IGF1R: variants seen among roughly 807,000 people sequenced by gnomAD.
IGF1R encodes insulin like growth factor 1 receptor, also known as insulin-like growth factor 1 receptor.
Under a neutral mutation model 144.6 loss-of-function variants are expected in IGF1R, and 44 were observed. That is an observed-to-expected ratio of 0.30 (90% CI 0.24 to 0.39). The LOEUF is 0.39. Among genes scored for constraint, IGF1R ranks in the 10% least tolerant of loss-of-function variants. IGF1R has a pLI of 1.00. For synonymous variants in IGF1R, 795 were observed against 722.8 expected, an observed-to-expected ratio of 1.10 and a Z score of -1.60; for missense variants, 1,355 against 1,833.7, an observed-to-expected ratio of 0.74 and a Z score of 4.77.
intron 2 of IGF1R, among the ~76,000 whole-genome samples, chr15:98,718,743 A>T (rs1311899524): frequency 6.6e-6 from 1 of 152,240 alleles, no homozygotes; most frequent in African/African-American, 2.4e-5. Context: ...GGAACAAAAT[A>T]AAAGAAGATC....
At chr15:98,831,611 A>G (rs2057003376) in intron 2 of IGF1R, among the ~76,000 whole-genome samples, 1 of 152,234 alleles carries the variant, frequency 6.6e-6, no homozygotes, top group South Asian at 2.1e-4. Context: ...CAAATTTATT[A>G]TATGTGTGCA....
intron 1 of IGF1R, among the ~76,000 whole-genome samples, chr15:98,665,158 A>G (rs546152275): frequency 3.3e-5 from 5 of 152,220 alleles, no homozygotes; most frequent in South Asian, 4.1e-4. Flanking sequence ...TCACCGTGTT[A>G]GCCAGGATGG....
rs57196850 is a variant in IGF1R, at chr15:98,817,304, A to AAATAAT, written c.641-73989_641-73984dup. Among the ~76,000 whole-genome samples, 107 of 146,338 alleles carry AAATAAT rather than the reference A, an allele frequency of 7.3e-4. 1 individual carries two copies. Among genetic ancestry groups the AAATAAT allele is most frequent in the African/African-American group, 2.1e-3 (83 of 39,826 alleles). Reference sequence around the variant, plus strand: ...GCAGCAGAGCGAGAATCTGTCTCAAAAATAATAATAATAATAATAATAATA... The same window carrying AAATAAT: ...GCAGCAGAGCGAGAATCTGTCTCAAAAATAATAATAATAATAATAATAATAATAATA... On this transcript the variant is annotated intron_variant, in intron 2 of 20. Transcript: ENST00000650285.
chr15:98,817,302 AAAAATAAT>A (rs1402959121), intron 2 of IGF1R, among the ~76,000 whole-genome samples: 1 of 34,796 alleles, frequency 2.9e-5, no homozygotes, highest in Non-Finnish European at 7.2e-5. Context: ...AATCTGTCTC[AAAAATAAT>A]AATAATAATA....
chr15:98,738,956 C>G (rs955618303), intron 2 of IGF1R, among the ~76,000 whole-genome samples: 2 of 138,520 alleles, frequency 1.4e-5, no homozygotes, highest in East Asian at 4.3e-4. Flanking sequence ...GATGTATACT[C>G]TTACATACCA....
At chr15:98,652,140 T>C (rs1053366743) in intron 1 of IGF1R, among the ~76,000 whole-genome samples, 3 of 152,226 alleles carry the variant, frequency 2.0e-5, no homozygotes. Flanking sequence ...GAAAACTTAG[T>C]TTCTGAAGCA....
intron 2 of IGF1R, among the ~76,000 whole-genome samples, chr15:98,837,052 C>T (rs1300514695): frequency 6.6e-6 from 1 of 152,146 alleles, no homozygotes; most frequent in Non-Finnish European, 1.5e-5. Context: ...GGCTGATACT[C>T]ACAGTATGCA....
rs1216646829 is a variant in IGF1R at position 98,961,131 on chromosome 15, G to A, written c.*3689G>A. The A allele has an allele frequency of 4.3e-6, 1 of 233,548 alleles. No homozygotes were observed. Among genetic ancestry groups the A allele is most frequent in the Non-Finnish European group, 8.5e-6 (1 of 117,954 alleles). 14.5% of individuals were successfully genotyped at this position (233,548 alleles called of 1,614,324 possible). A position where few individuals can be genotyped will look rare whatever the true frequency, so the allele number is the denominator to read the frequency against. ...GCGACCCATCTCTCCCAGGACCCCG[G>A]GGATCTTAAGGTCATTGAGAAATAC... On this transcript the variant is annotated 3_prime_UTR_variant, in exon 21 of 21. Coordinates refer to ENST00000650285, the MANE Select transcript of IGF1R (RefSeq NM_000875.5).
intron 2 of IGF1R, among the ~76,000 whole-genome samples, chr15:98,851,140 T>C (rs1258411220): frequency 2.6e-5 from 4 of 152,012 alleles, no homozygotes; most frequent in Non-Finnish European, 5.9e-5. Context: ...CTAGAAAGAA[T>C]AAGCTGAGTG....
Position 98,648,746 on chromosome 15 carries a change from TCCCCCCGCG to T in IGF1R, c.-832_-824del, listed in dbSNP as rs531415441. Among the ~76,000 whole-genome samples the T allele has an allele frequency of 8.6e-3, 1,254 of 145,766 alleles. 27 individuals carry two copies. The highest frequency in any genetic ancestry group is 0.03 in the African/African-American group (1,194 of 40,258). The stretch of plus-strand genomic sequence containing the variant: ...CAGACCCTCGGCCCCGCTCCCCGGA[TCCCCCCGCG>T]CCCTCCACGCCCCTCCCGCGCGGGG... On this transcript the variant is annotated 5_prime_UTR_variant, in exon 1 of 21. Coordinates refer to ENST00000650285, the MANE Select transcript of IGF1R (RefSeq NM_000875.5).
chr15:98,651,091 G>C, intron 1 of IGF1R: 1 of 983,494 alleles, frequency 1.0e-6, no homozygotes, highest in Non-Finnish European at 1.2e-6. Context: ...GGTGAGTAAT[G>C]GTTGCCGAGG....
chr15:98,916,947 A>G, intron 10 of IGF1R, 71 bp downstream of exon 10: 1 of 1,331,356 alleles, frequency 7.5e-7, no homozygotes. Flanking sequence ...CTTTCTCCCC[A>G]CCAGGTAGTG....
intron 2 of IGF1R, among the ~76,000 whole-genome samples, chr15:98,833,475 G>GT (rs1168533117): frequency 1.3e-5 from 2 of 152,184 alleles, no homozygotes; most frequent in African/African-American, 4.8e-5. Flanking sequence ...TCTTTTGGTT[G>GT]TAAACCTTCA....
intron 2 of IGF1R, among the ~76,000 whole-genome samples, chr15:98,728,205 C>T (rs1214671926): frequency 2.0e-5 from 3 of 152,100 alleles, no homozygotes; most frequent in Non-Finnish European, 4.4e-5. Flanking sequence ...TCAAGATGGG[C>T]TTCTTGGTGA....
intron 18 of IGF1R, among the ~76,000 whole-genome samples, chr15:98,939,636 C>G (rs985006092): frequency 6.6e-6 from 1 of 152,194 alleles, no homozygotes; most frequent in African/African-American, 2.4e-5. Flanking sequence ...TAGAACACCT[C>G]TTAGCATTGG....
chr15:98,847,450 G>A (rs1014548333), intron 2 of IGF1R, among the ~76,000 whole-genome samples: 1 of 152,154 alleles, frequency 6.6e-6, no homozygotes, highest in African/African-American at 2.4e-5. Context: ...AGTCCTGCCT[G>A]CATTTGAATC....
At chr15:98,899,394 T>C (rs2014361981) in intron 4 of IGF1R, 83 bp from the exon 5 acceptor site, 1 of 1,435,254 alleles carries the variant, frequency 7.0e-7, no homozygotes, top group Non-Finnish European at 9.8e-7. Context: ...CGTTGAATTG[T>C]TCTCACTTGT....
chr15:98,956,011 CTA>C (rs2016966184), intron 20 of IGF1R, among the ~76,000 whole-genome samples: 1 of 152,254 alleles, frequency 6.6e-6, no homozygotes, highest in Non-Finnish European at 1.5e-5. Flanking sequence ...CTCCTCAGAA[CTA>C]TGGCCAGCCC....
intron 2 of IGF1R, among the ~76,000 whole-genome samples, chr15:98,826,436 G>T (rs1216704584): frequency 6.6e-6 from 1 of 152,092 alleles, no homozygotes; most frequent in Non-Finnish European, 1.5e-5. Context: ...AAAGCAAAAT[G>T]ATATTTAAGT....
Sources: allele counts gnomAD v4.1 joint callset (sites outside exome capture counted in the v4.1 genomes callset), GRCh38; gene constraint gnomAD v4.1.1; transcripts MANE v1.5; gene names NCBI Gene and HGNC (gene_info 2026-07-23, HGNC 2026-07-21).